Variants in DMD observed in about 807,000 individuals in gnomAD.
DMD encodes the protein dystrophin.
A neutral mutation model predicts 330.1 loss-of-function variants in DMD; 63 were observed. The ratio of observed to expected loss-of-function variants is 0.19; its 90% CI spans 0.16 to 0.24. The LOEUF is 0.24. DMD is among the 10% of genes least tolerant of loss of function. The pLI is 1.00. For missense variants in DMD, 3,344 were observed against 2,684.1 expected, an observed-to-expected ratio of 1.25 and a Z score of -5.43; for synonymous variants, 1,223 against 959.8, an observed-to-expected ratio of 1.27 and a Z score of -5.07.
chrX:33,096,142 C>T (rs992991287), intron 1 of DMD, among the ~76,000 whole-genome samples: 4 of 108,775 alleles, frequency 3.7e-5, no homozygotes, highest in Non-Finnish European at 7.7e-5. Flanking sequence ...GCCCGGCTAA[C>T]TTTTTGTATT....
At chrX:33,265,547 T>C (rs1021876059) in intron 1 of DMD, among the ~76,000 whole-genome samples, 15 of 111,508 alleles carry the variant, frequency 1.3e-4, no homozygotes, top group Non-Finnish European at 2.5e-4. Context: ...CAATAAGTTA[T>C]TGATAATTTA....
At chrX:32,426,997 T>A (rs995667034) in intron 29 of DMD, among the ~76,000 whole-genome samples, 3 of 111,051 alleles carry the variant, frequency 2.7e-5, no homozygotes, top group Non-Finnish European at 5.7e-5. Flanking sequence ...AAAATACCTA[T>A]CAGGTAGTAT....
intron 7 of DMD, among the ~76,000 whole-genome samples, chrX:32,713,756 C>T (rs1486881055): frequency 9.0e-6 from 1 of 111,602 alleles, no homozygotes; most frequent in East Asian, 2.8e-4. Flanking sequence ...CGCATACATA[C>T]ATGTTTGTGG....
intron 55 of DMD, among the ~76,000 whole-genome samples, chrX:31,571,387 C>A (rs1257336961): frequency 1.0e-5 from 1 of 97,085 alleles, no homozygotes; most frequent in East Asian, 3.3e-4. Flanking sequence ...GTCCTGATGC[C>A]TCAAATTTAG....
intron 7 of DMD, among the ~76,000 whole-genome samples, chrX:32,777,213 G>T (rs1160380148): frequency 2.3e-5 from 2 of 88,836 alleles, no homozygotes; most frequent in Non-Finnish European, 4.3e-5. Context: ...ATCCAGGTCA[G>T]AATCTTACAT....
chrX:31,126,571 C>A, intron 78 of DMD, 71 bp downstream of exon 78: 3 of 989,681 alleles, frequency 3.0e-6, no homozygotes, highest in Non-Finnish European at 4.3e-6. Context: ...ACAATTCTTA[C>A]ACAAACGCCA....
At chrX:32,526,870 G>A (rs1376493983) in intron 17 of DMD, among the ~76,000 whole-genome samples, 1 of 111,897 alleles carries the variant, frequency 8.9e-6, no homozygotes, top group East Asian at 2.8e-4. Context: ...TTTCTTTACA[G>A]TGACTGCCAC....
Position 32,501,824 on chromosome X carries a change from C to T in DMD, c.2311G>A (p.Ala771Thr). 1 of 1,204,770 alleles carries T rather than the reference C, an allele frequency of 8.3e-7. No individual in the cohort carries two copies. The highest frequency in any genetic ancestry group is 1.1e-6 in the Non-Finnish European group (1 of 890,900). ...EKVNAIEREK[A>T]EKFRKLQDAS... Reference sequence around the variant, plus strand: ...TCTTGCAGTTTTCTGAACTTCTCAGCTTTTTCTCGCTCTATGGCCTGCAGC... The same window carrying T: ...TCTTGCAGTTTTCTGAACTTCTCAGTTTTTTCTCGCTCTATGGCCTGCAGC... Residue 771 changes from alanine to threonine, a missense_variant, in exon 19 of 79, where the codon GCT (alanine) becomes ACT (threonine). By Grantham distance (58) the Ala-to-Thr change is moderately conservative. Coordinates refer to ENST00000357033, the MANE Select transcript of DMD (RefSeq NM_004006.3).
At chrX:33,237,875 C>T (rs949895931) in intron 1 of DMD, among the ~76,000 whole-genome samples, 1 of 111,428 alleles carries the variant, frequency 9.0e-6, no homozygotes, top group African/African-American at 3.3e-5. Flanking sequence ...AACTACACAC[C>T]CATATACGTG....
intron 50 of DMD, among the ~76,000 whole-genome samples, chrX:31,811,916 G>A (rs1426266315): frequency 9.0e-6 from 1 of 111,405 alleles, no homozygotes; most frequent in Non-Finnish European, 1.9e-5. Flanking sequence ...GGACCCAAGA[G>A]AGGAATAAGA....
At chrX:33,249,134 G>A (rs760430562) in intron 1 of DMD, among the ~76,000 whole-genome samples, 5 of 111,884 alleles carry the variant, frequency 4.5e-5, no homozygotes, top group African/African-American at 9.7e-5. Context: ...CTTTATTATC[G>A]CTCAAATTTA....
At chrX:33,133,658 C>T (rs978215660) in intron 1 of DMD, among the ~76,000 whole-genome samples, 2 of 111,689 alleles carry the variant, frequency 1.8e-5, no homozygotes, top group African/African-American at 6.5e-5. Flanking sequence ...TTATTCAAAC[C>T]GTGCTATGAT....
chrX:33,055,528 G>A (rs560592290), intron 1 of DMD, among the ~76,000 whole-genome samples: 2 of 111,689 alleles, frequency 1.8e-5, no homozygotes, highest in Non-Finnish European at 1.9e-5. Context: ...ATGCCTGAAC[G>A]CAAGAAAAAA....
intron 41 of DMD, among the ~76,000 whole-genome samples, chrX:32,319,900 C>T (rs5972527): frequency 0.056 from 6,193 of 110,269 alleles, 410 homozygotes; most frequent in African/African-American, 0.18. Context: ...TTTTCGTTTA[C>T]ATATCTAGTA....
intron 55 of DMD, among the ~76,000 whole-genome samples, chrX:31,535,774 A>G (rs17340839): frequency 0.082 from 9,151 of 111,584 alleles, 290 homozygotes; most frequent in East Asian, 0.13. Context: ...TTGTCCCTTC[A>G]TTCATTCTAC....
intron 74 of DMD, among the ~76,000 whole-genome samples, chrX:31,150,573 G>T (rs1385513387): frequency 8.9e-6 from 1 of 112,281 alleles, no homozygotes; most frequent in East Asian, 2.8e-4. Flanking sequence ...TCAGGTGAGA[G>T]AAATTCCTAT....
At chrX:32,262,684 C>T (rs1319817685) in intron 43 of DMD, among the ~76,000 whole-genome samples, 1 of 110,761 alleles carries the variant, frequency 9.0e-6, no homozygotes, top group Non-Finnish European at 1.9e-5. Context: ...AGCATTCATT[C>T]TCCCAGTTGC....
At chrX:32,247,770 A>G (rs2097246571) in intron 43 of DMD, among the ~76,000 whole-genome samples, 1 of 111,322 alleles carries the variant, frequency 9.0e-6, no homozygotes, top group African/African-American at 3.3e-5. Flanking sequence ...TAAAACTGTG[A>G]GTTCATAATT....
At chrX:31,836,176 G>A (rs2093192464) in intron 49 of DMD, among the ~76,000 whole-genome samples, 1 of 111,872 alleles carries the variant, frequency 8.9e-6, no homozygotes. Context: ...TTTATCCCAG[G>A]CCAGCTTTTT....
Sources: gnomAD v4.1 joint callset for allele counts (sites outside exome capture counted in the v4.1 genomes callset) on GRCh38, gnomAD v4.1.1 for gene constraint, MANE v1.5 for transcripts, NCBI Gene and HGNC (gene_info 2026-07-23, HGNC 2026-07-21) for gene names.